DAB1: variants seen among roughly 807,000 people sequenced by gnomAD.
DAB1 encodes disabled homolog 1.
In DAB1, 15 loss-of-function variants were observed where a neutral mutation model predicts 64.6. The observed-to-expected ratio is 0.23, with a 90% CI of 0.16 to 0.36. The LOEUF (loss-of-function observed/expected upper bound fraction) is 0.36, where lower values mean the gene tolerates loss of function less well. DAB1 is among the 10% of genes least tolerant of loss of function. The pLI, the probability that DAB1 is intolerant of heterozygous loss-of-function variation, is 1.00. For synonymous variants in DAB1, 235 were observed against 251.9 expected, an observed-to-expected ratio of 0.93 and a Z score of 0.64; for missense variants, 596 against 706.7, an observed-to-expected ratio of 0.84 and a Z score of 1.78.
chr1:57,651,156 CA>C lies in DAB1; in HGVS notation n.552-1492del, dbSNP rs539158981. ...CAATTTTTCAGAGCAGTCAGTAAAA[CA>C]AAAAAAAAAAGATCTTATGGTTAAA... On this transcript the variant is annotated intron_variant and non_coding_transcript_variant, in intron 6 of 20. Coordinates refer to the DAB1 transcript ENST00000485760. 6.1e-3 allele frequency among the ~76,000 whole-genome samples: 837 copies of C among 138,018 alleles called. 4 individuals carry two copies. Among genetic ancestry groups the C allele is most frequent in the African/African-American group, 0.018 (671 of 38,092 alleles). The allele number at this position is 138,018 out of a possible 152,430, so 90.5% of individuals were successfully genotyped here.
At chr1:57,927,115 T>C (rs943462001) in intron 5 of DAB1, among the ~76,000 whole-genome samples, 1 of 152,230 alleles carries the variant, frequency 6.6e-6, no homozygotes, top group African/African-American at 2.4e-5. Flanking sequence ...TGGTTGATGA[T>C]GACCACCTTA....
At chr1:57,442,355 C>T (rs982668874) in intron 7 of DAB1, among the ~76,000 whole-genome samples, 13 of 152,194 alleles carry the variant, frequency 8.5e-5, no homozygotes, top group Non-Finnish European at 1.9e-4. Context: ...ATTCAATCAG[C>T]TGTCTCTAGA....
chr1:57,772,491 T>C (rs1377874220), intron 6 of DAB1, among the ~76,000 whole-genome samples: 1 of 152,172 alleles, frequency 6.6e-6, no homozygotes, highest in Non-Finnish European at 1.5e-5. Flanking sequence ...AACATTCATG[T>C]GCAGCTCTAT....
intron 10 of DAB1, among the ~76,000 whole-genome samples, chr1:57,024,099 A>C (rs1646708183): frequency 6.6e-6 from 1 of 152,156 alleles, no homozygotes; most frequent in African/African-American, 2.4e-5. Context: ...ATACACGGTC[A>C]ATGAGCAGTT....
At chr1:57,549,156 G>T (rs1439871382) in intron 7 of DAB1, among the ~76,000 whole-genome samples, 1 of 152,072 alleles carries the variant, frequency 6.6e-6, no homozygotes, top group Non-Finnish European at 1.5e-5. Flanking sequence ...TGCACTGATT[G>T]AGTTTCTACA....
chr1:57,570,466 G>T (rs1645180943), intron 7 of DAB1, among the ~76,000 whole-genome samples: 1 of 151,766 alleles, frequency 6.6e-6, no homozygotes, highest in Non-Finnish European at 1.5e-5. Context: ...TGCTTGCTTT[G>T]TTGAAGATTA....
chr1:58,002,273 T>C (rs1646517577), intron 5 of DAB1, among the ~76,000 whole-genome samples: 1 of 152,220 alleles, frequency 6.6e-6, no homozygotes, highest in Non-Finnish European at 1.5e-5. Flanking sequence ...CTGTGACCCC[T>C]TCCTTAACTG....
At chr1:57,406,454 G>C (rs1430516959) in intron 1 of DAB1, among the ~76,000 whole-genome samples, 1 of 152,168 alleles carries the variant, frequency 6.6e-6, no homozygotes, top group Non-Finnish European at 1.5e-5. Flanking sequence ...CTTTTATAGG[G>C]TAATGTCCAT....
In DAB1 at chr1:58,448,389, T is replaced by G. The variant is rs1569808696; in HGVS notation, n.257+57671A>C. Among the ~76,000 whole-genome samples the G allele has an allele frequency of 4.6e-5, 7 of 152,294 alleles. 2 individuals are homozygous for G. The highest frequency in any genetic ancestry group is 4.6e-4 in the Admixed American group (7 of 15,284). ...AAGTAGATAACAGAAATTTTGCCTG[T>G]GGTCAATTTTACAATAAGAAAACTG... is the stretch of plus-strand genomic sequence containing the variant. On this transcript the variant is annotated intron_variant and non_coding_transcript_variant, in intron 3 of 20. Transcript: ENST00000485760.
In DAB1 at chr1:57,339,017, C is replaced by G. The variant is rs58453268; in HGVS notation, c.-136-47851G>C. ...GAAGAGTTCACTCTTGAATGAAGAT[C>G]GGATGTGAGAAGGTGTATATCAAAG... is the stretch of plus-strand genomic sequence containing the variant. On this transcript the variant is annotated intron_variant, in intron 1 of 14. Coordinates refer to ENST00000371236, the MANE Select transcript of DAB1 (RefSeq NM_001365792.1). 3.4e-4 allele frequency among the ~76,000 whole-genome samples: 52 copies of G among 152,204 alleles called. 1 individual carries two copies. In the East Asian group the frequency reaches 9.8e-3, roughly 29 times the overall value.
At chr1:58,246,592 T>C (rs1330300996) in intron 4 of DAB1, among the ~76,000 whole-genome samples, 3 of 152,084 alleles carry the variant, frequency 2.0e-5, no homozygotes, top group Non-Finnish European at 2.9e-5. Flanking sequence ...TAGATGTGAG[T>C]GTGTGTGAGG....
At chr1:58,065,895 G>T (rs1427401611) in intron 5 of DAB1, among the ~76,000 whole-genome samples, 2 of 152,210 alleles carry the variant, frequency 1.3e-5, no homozygotes, top group Non-Finnish European at 2.9e-5. Context: ...TTGGATGAAG[G>T]CTATCAGAGG....
intron 1 of DAB1, among the ~76,000 whole-genome samples, chr1:57,852,730 C>T (rs1557517240): frequency 6.6e-6 from 1 of 152,100 alleles, no homozygotes; most frequent in Non-Finnish European, 1.5e-5. Flanking sequence ...TCCTCCTGCC[C>T]CAGCATCCAT....
At chr1:58,450,539 G>A (rs1645122447) in intron 3 of DAB1, among the ~76,000 whole-genome samples, 1 of 152,192 alleles carries the variant, frequency 6.6e-6, no homozygotes, top group East Asian at 1.9e-4. Flanking sequence ...CGGATCACAA[G>A]GTCAGGTGAT....
At chr1:58,263,079 AC>A (rs1453192658) in intron 4 of DAB1, among the ~76,000 whole-genome samples, 1 of 152,218 alleles carries the variant, frequency 6.6e-6, no homozygotes, top group Middle Eastern at 3.2e-3. Context: ...CTGATACAAT[AC>A]CTTGTAAAAT....
intron 3 of DAB1, among the ~76,000 whole-genome samples, chr1:58,473,042 A>T (rs1025201257): frequency 1.3e-5 from 2 of 152,184 alleles, no homozygotes; most frequent in African/African-American, 2.4e-5. Flanking sequence ...CCAGGAAAAC[A>T]AAGTAATTTA....
chr1:58,310,815 T>C (rs1056727980), intron 4 of DAB1, among the ~76,000 whole-genome samples: 1 of 152,082 alleles, frequency 6.6e-6, no homozygotes, highest in African/African-American at 2.4e-5. Flanking sequence ...CGTATAATCA[T>C]TCCATGACCC....
At chr1:57,218,060 C>G (rs943513612) in intron 2 of DAB1, among the ~76,000 whole-genome samples, 2 of 152,136 alleles carry the variant, frequency 1.3e-5, no homozygotes, top group Non-Finnish European at 2.9e-5. Context: ...TACCAAAATA[C>G]TGCATTATAC....
At position 57,732,926 on chromosome 1, in the gene DAB1, CATA is replaced by C. The variant is rs200034680; in HGVS notation, n.552-83264_552-83262del. ...GCTCTGCCATTGTTATTTTGAAATT[CATA>C]ATAAGTTTTAAGCAAAGGGCCCTGA... On this transcript the variant is annotated intron_variant and non_coding_transcript_variant, in intron 6 of 20. Transcript: ENST00000485760. Among the ~76,000 whole-genome samples, 540 of 152,238 alleles carry C rather than the reference CATA, an allele frequency of 3.5e-3. 5 individuals are homozygous for C. The highest frequency in any genetic ancestry group is 0.012 in the African/African-American group (503 of 41,548).
Sources: allele counts gnomAD v4.1 joint callset (sites outside exome capture counted in the v4.1 genomes callset), GRCh38; gene constraint gnomAD v4.1.1; transcripts MANE v1.5; gene names NCBI Gene and HGNC (gene_info 2026-07-23, HGNC 2026-07-21).